Variants in VEGFC observed in about 807,000 individuals in gnomAD.
VEGFC encodes FLT4 ligand DHM.
VEGFC carries 12 observed loss-of-function variants against 46.1 expected under a neutral mutation model. The ratio of observed to expected loss-of-function variants is 0.26; its 90% CI spans 0.17 to 0.42. The LOEUF is 0.42. Ranked by LOEUF, VEGFC falls within the 10% of genes least tolerant of loss-of-function variation. VEGFC has a pLI of 1.00. For synonymous variants in VEGFC, 232 were observed against 195.5 expected, an observed-to-expected ratio of 1.19 and a Z score of -1.56; for missense variants, 488 against 529.4, an observed-to-expected ratio of 0.92 and a Z score of 0.77.
intron 3 of VEGFC, among the ~76,000 whole-genome samples, chr4:176,713,260 C>T (rs890493259): frequency 2.6e-5 from 4 of 152,046 alleles, no homozygotes; most frequent in East Asian, 3.9e-4. Flanking sequence ...AAAAGATACC[C>T]GTTTATACAC....
chr4:176,772,383 T>G (rs1735738415), intron 1 of VEGFC, among the ~76,000 whole-genome samples: 1 of 152,224 alleles, frequency 6.6e-6, no homozygotes. Flanking sequence ...AATTTTAATC[T>G]TTTGGACAGT....
chr4:176,776,939 G>T (rs1735823611), intron 1 of VEGFC, among the ~76,000 whole-genome samples: 1 of 152,148 alleles, frequency 6.6e-6, no homozygotes, highest in Non-Finnish European at 1.5e-5. Context: ...CACAGTAAGT[G>T]TTGTATTGTT....
At chr4:176,744,405 T>C (rs1224731131) in intron 1 of VEGFC, among the ~76,000 whole-genome samples, 2 of 152,060 alleles carry the variant, frequency 1.3e-5, no homozygotes, top group Non-Finnish European at 2.9e-5. Context: ...GGGCTAACTT[T>C]TCCTTCTGAA....
At chr4:176,687,632 G>T (rs1579083255) in intron 5 of VEGFC, 112 bp from the exon 6 acceptor site, 4 of 1,140,470 alleles carry the variant, frequency 3.5e-6, no homozygotes, top group East Asian at 2.6e-5. Flanking sequence ...CAAAGGATTG[G>T]GTACAAACAT....
chr4:176,742,156 T>C (rs552714490), intron 1 of VEGFC, among the ~76,000 whole-genome samples: 3 of 152,096 alleles, frequency 2.0e-5, no homozygotes, highest in African/African-American at 7.2e-5. Context: ...GACCACTGTT[T>C]AGCTCCCGTA....
intron 4 of VEGFC, 77 bp from the exon 5 acceptor site, chr4:176,688,004 C>A (rs1289767971): frequency 7.2e-6 from 5 of 695,874 alleles, no homozygotes; most frequent in South Asian, 4.1e-5. Context: ...ACATATGTAT[C>A]AAAATAATGC....
At chr4:176,697,393 A>G (rs2110980807) in intron 4 of VEGFC, among the ~76,000 whole-genome samples, 1 of 152,368 alleles carries the variant, frequency 6.6e-6, no homozygotes, top group Admixed American at 6.5e-5. Context: ...AATGCTCACC[A>G]TCACTGGTCA....
At chr4:176,687,701 T>A (rs541983639) in intron 5 of VEGFC, 120 bp downstream of exon 5, 602 of 982,884 alleles carry the variant, frequency 6.1e-4, no homozygotes, top group Non-Finnish European at 8.1e-4. Context: ...GAAAATGTAC[T>A]ATTTTTTAGT....
chr4:176,722,132 A>G (rs999734555), intron 3 of VEGFC, among the ~76,000 whole-genome samples: 15 of 151,914 alleles, frequency 9.9e-5, no homozygotes, highest in African/African-American at 2.9e-4. Flanking sequence ...AATAGGATAG[A>G]AAAAAAACTG....
chr4:176,768,111 G>T (rs1279393763), intron 1 of VEGFC, among the ~76,000 whole-genome samples: 2 of 152,142 alleles, frequency 1.3e-5, no homozygotes, highest in Non-Finnish European at 2.9e-5. Context: ...GAGCAAATTT[G>T]ATCAGAAACG....
At chr4:176,705,663 A>C (rs1412927470) in intron 4 of VEGFC, among the ~76,000 whole-genome samples, 1 of 152,192 alleles carries the variant, frequency 6.6e-6, no homozygotes, top group African/African-American at 2.4e-5. Flanking sequence ...TTGAATGCTT[A>C]ATATGTTTTA....
intron 3 of VEGFC, among the ~76,000 whole-genome samples, chr4:176,718,300 G>A (rs1734728149): frequency 6.6e-6 from 1 of 152,074 alleles, no homozygotes; most frequent in South Asian, 2.1e-4. Flanking sequence ...ACAAAGGAAT[G>A]TAATAAATTA....
Position 176,741,216 on chromosome 4 carries a change from T to C in VEGFC, c.148-11470A>G, listed in dbSNP as rs561072374. On this transcript the variant is annotated intron_variant, in intron 1 of 6. Coordinates refer to ENST00000618562, the MANE Select transcript of VEGFC (RefSeq NM_005429.5). ...TGTTTGTTACATTTAAATCCTAACATTGCAGCATGGAAACATTTTTAGTGT... is the reference window on the plus strand; with the variant it reads ...TGTTTGTTACATTTAAATCCTAACACTGCAGCATGGAAACATTTTTAGTGT... Among the ~76,000 whole-genome samples, 41 of 152,058 alleles carry C rather than the reference T, an allele frequency of 2.7e-4. No homozygotes were observed. The South Asian group carries it at 7.3e-3, about 27-fold the overall frequency.
At chr4:176,749,784 G>T (rs1735312082) in intron 1 of VEGFC, among the ~76,000 whole-genome samples, 1 of 151,754 alleles carries the variant, frequency 6.6e-6, no homozygotes, top group South Asian at 2.1e-4. Context: ...ATACAGAAGA[G>T]AATTTGGCGG....
intron 4 of VEGFC, among the ~76,000 whole-genome samples, chr4:176,691,907 A>G: frequency 6.6e-6 from 1 of 152,138 alleles, no homozygotes; most frequent in Non-Finnish European, 1.5e-5. Context: ...CTCACTAGGG[A>G]GTGCCAGACA....
intron 1 of VEGFC, among the ~76,000 whole-genome samples, chr4:176,764,554 AG>A (rs1302674560): frequency 6.6e-6 from 1 of 152,218 alleles, no homozygotes; most frequent in African/African-American, 2.4e-5. Context: ...CTCATAGTGC[AG>A]AGGTTACAAA....
At chr4:176,751,733 A>T (rs964283439) in intron 1 of VEGFC, among the ~76,000 whole-genome samples, 6 of 147,754 alleles carry the variant, frequency 4.1e-5, no homozygotes, top group Admixed American at 2.1e-4. Flanking sequence ...GTGTAAACGT[A>T]AAAAAAAAGC....
intron 1 of VEGFC, among the ~76,000 whole-genome samples, chr4:176,740,721 A>G (rs1164741391): frequency 6.6e-6 from 1 of 151,496 alleles, no homozygotes; most frequent in African/African-American, 2.4e-5. Context: ...AAACACTGCC[A>G]CAGGTCATGG....
chr4:176,709,535 C>G (rs1734587154), intron 4 of VEGFC, among the ~76,000 whole-genome samples: 1 of 152,104 alleles, frequency 6.6e-6, no homozygotes, highest in Non-Finnish European at 1.5e-5. Flanking sequence ...AGACCTTTAC[C>G]TGAACTCTGA....
Sources: allele counts gnomAD v4.1 joint callset (sites outside exome capture counted in the v4.1 genomes callset), GRCh38; gene constraint gnomAD v4.1.1; transcripts MANE v1.5; gene names NCBI Gene and HGNC (gene_info 2026-07-23, HGNC 2026-07-21).